ZRANB3: variants seen among roughly 807,000 people sequenced by gnomAD.
ZRANB3 encodes zinc finger RANBP2-type containing 3.
In ZRANB3, 125 loss-of-function variants were observed where a neutral mutation model predicts 133.8. The observed-to-expected ratio is 0.93, with a 90% CI of 0.81 to 1.08. The LOEUF (loss-of-function observed/expected upper bound fraction) is 1.08. Ranked by LOEUF, ZRANB3 falls within the 50% of genes least tolerant of loss-of-function variation. The probability of loss-of-function intolerance (pLI) is 0.00; values close to 1 mark genes in which losing one functional copy is unlikely to be tolerated. For missense variants in ZRANB3, 1,229 were observed against 1,275.5 expected, an observed-to-expected ratio of 0.96 and a Z score of 0.56; for synonymous variants, 387 against 432.7, an observed-to-expected ratio of 0.89 and a Z score of 1.31.
At chr2:135,306,861 G>A (rs548652920) in intron 8 of ZRANB3, among the ~76,000 whole-genome samples, 9 of 151,756 alleles carry the variant, frequency 5.9e-5, no homozygotes, top group South Asian at 4.2e-4. Flanking sequence ...AAGTGCTGGC[G>A]TTACAGGCAT....
chr2:135,491,880 A>T (rs561133688), intron 2 of ZRANB3, among the ~76,000 whole-genome samples: 3 of 152,356 alleles, frequency 2.0e-5, no homozygotes, highest in African/African-American at 7.2e-5. Flanking sequence ...ACATCAAAAA[A>T]ATAACCAATT....
At chr2:135,302,816 G>A (rs1157322450) in intron 8 of ZRANB3, among the ~76,000 whole-genome samples, 9 of 152,224 alleles carry the variant, frequency 5.9e-5, no homozygotes, top group African/African-American at 9.6e-5. Flanking sequence ...GAGCCACTGC[G>A]CCCGGCCCCA....
intron 2 of ZRANB3, among the ~76,000 whole-genome samples, chr2:135,461,792 C>T (rs895482519): frequency 2.6e-5 from 4 of 152,136 alleles, no homozygotes; most frequent in Admixed American, 2.0e-4. Context: ...GCCACTTTGT[C>T]TGAGAAACCT....
At chr2:135,281,118 T>C (rs1408368318) in intron 8 of ZRANB3, among the ~76,000 whole-genome samples, 1 of 152,192 alleles carries the variant, frequency 6.6e-6, no homozygotes, top group Non-Finnish European at 1.5e-5. Flanking sequence ...GTCCTTGTGT[T>C]TGGAATTGAG....
intron 3 of ZRANB3, among the ~76,000 whole-genome samples, chr2:135,389,858 G>A (rs1340423557): frequency 6.9e-6 from 1 of 145,346 alleles, no homozygotes; most frequent in African/African-American, 2.5e-5. Context: ...TTTGAAAAGT[G>A]TATGTTTTGC....
At position 135,353,536 on chromosome 2, in the gene ZRANB3, C is replaced by T; in HGVS notation, c.273G>A (p.Arg91=). ...PLLIVVPSSL[R]YPWTEEIEKW... is the part of the protein sequence containing the mutation. ...TTTCAATTTCTTCTGTCCAAGGGTA[C>T]CTCAGAGACGAAGGGACCACTATTA... is the stretch of plus-strand genomic sequence containing the variant. Residue 91 remains arginine (R), a synonymous_variant, in exon 4 of 21, where the codon AGG becomes AGA. Coordinates refer to ENST00000264159, the MANE Select transcript of ZRANB3 (RefSeq NM_032143.4). 1 of 1,610,990 alleles carries T rather than the reference C, an allele frequency of 6.2e-7. No homozygotes were observed. The highest frequency in any genetic ancestry group is 8.5e-7 in the Non-Finnish European group (1 of 1,178,118).
intron 2 of ZRANB3, among the ~76,000 whole-genome samples, chr2:135,497,669 A>G (rs1692738671): frequency 6.6e-6 from 1 of 152,234 alleles, no homozygotes; most frequent in Non-Finnish European, 1.5e-5. Flanking sequence ...GATTTATGAC[A>G]AAAGTAACAT....
chr2:135,463,301 C>T (rs1428789084), intron 2 of ZRANB3, among the ~76,000 whole-genome samples: 2 of 152,090 alleles, frequency 1.3e-5, no homozygotes, highest in Non-Finnish European at 2.9e-5. Flanking sequence ...TATATTAATC[C>T]TCTTCTGTTT....
chr2:135,425,518 C>T (rs1415168083), intron 2 of ZRANB3, among the ~76,000 whole-genome samples: 1 of 152,106 alleles, frequency 6.6e-6, no homozygotes, highest in Admixed American at 6.5e-5. Flanking sequence ...CATGGCTCTG[C>T]TGTGAGTAGA....
chr2:135,205,954 A>T lies in ZRANB3; in HGVS notation c.3009+1480T>A, dbSNP rs549805911. Among the ~76,000 whole-genome samples, 30 of 152,292 alleles carry T rather than the reference A, an allele frequency of 2.0e-4. No homozygotes were observed. The South Asian group carries it at 6.0e-3, about 31-fold the overall frequency. On this transcript the variant is annotated intron_variant, in intron 19 of 20. Coordinates refer to ENST00000264159, the MANE Select transcript of ZRANB3 (RefSeq NM_032143.4). ...TTGATATACTGCACCACCTGTTAAG[A>T]TCTTTTCCCAAAATAACTGAATGAG...
chr2:135,254,817 C>T (rs1679574378), intron 12 of ZRANB3, among the ~76,000 whole-genome samples: 1 of 151,814 alleles, frequency 6.6e-6, no homozygotes, highest in African/African-American at 2.4e-5. Context: ...GTGGCGCGAT[C>T]TCAGCTCACT....
chr2:135,349,495 C>T (rs1573956054), intron 5 of ZRANB3, among the ~76,000 whole-genome samples: 1 of 152,214 alleles, frequency 6.6e-6, no homozygotes, highest in East Asian at 1.9e-4. Context: ...CTTATTCTTT[C>T]ATTCTAAGCA....
At chr2:135,299,238 G>A (rs1343652474) in intron 8 of ZRANB3, among the ~76,000 whole-genome samples, 1 of 152,114 alleles carries the variant, frequency 6.6e-6, no homozygotes, top group Non-Finnish European at 1.5e-5. Context: ...TTCCTAGGGA[G>A]ATTATGGTTG....
intron 2 of ZRANB3, among the ~76,000 whole-genome samples, chr2:135,451,458 A>G (rs1025631767): frequency 4.6e-5 from 7 of 152,102 alleles, no homozygotes; most frequent in African/African-American, 1.7e-4. Context: ...GCTACTTGGG[A>G]GGCTGAAGCA....
intron 1 of ZRANB3, among the ~76,000 whole-genome samples, chr2:135,525,144 C>T (rs1694098295): frequency 6.6e-6 from 1 of 151,914 alleles, no homozygotes. Context: ...GAATTAACAG[C>T]CTATGAAGTA....
At chr2:135,426,867 T>A (rs1294098654) in intron 2 of ZRANB3, among the ~76,000 whole-genome samples, 218 of 7,186 alleles carry the variant, frequency 0.03, 44 homozygotes, top group East Asian at 0.26. Context: ...AAAAAAAATA[T>A]ATATATATAT....
At chr2:135,441,299 C>G (rs1689767028) in intron 2 of ZRANB3, among the ~76,000 whole-genome samples, 1 of 152,046 alleles carries the variant, frequency 6.6e-6, no homozygotes, top group South Asian at 2.1e-4. Flanking sequence ...ATCAGACCAA[C>G]AGAGGCAAGA....
chr2:135,410,744 T>C (rs981738734), intron 2 of ZRANB3, among the ~76,000 whole-genome samples: 4 of 151,086 alleles, frequency 2.6e-5, no homozygotes, highest in Admixed American at 1.3e-4. Flanking sequence ...ATCTAGACTC[T>C]ATAAGGAACT....
At chr2:135,406,271 G>A (rs1166754066) in intron 2 of ZRANB3, among the ~76,000 whole-genome samples, 2 of 152,136 alleles carry the variant, frequency 1.3e-5, no homozygotes, top group Admixed American at 1.3e-4. Context: ...GACTAAACCA[G>A]GAAGAAGTTG....
Sources: allele counts gnomAD v4.1 joint callset (sites outside exome capture counted in the v4.1 genomes callset), GRCh38; gene constraint gnomAD v4.1.1; transcripts MANE v1.5; gene names NCBI Gene and HGNC (gene_info 2026-07-23, HGNC 2026-07-21).